Variants in SLC31A1 observed in about 807,000 individuals in gnomAD.
SLC31A1 encodes the protein solute carrier family 31 member 1.
SLC31A1 carries 5 observed loss-of-function variants against 17.2 expected under a neutral mutation model. The observed-to-expected ratio is 0.29, with a 90% confidence interval of 0.15 to 0.61. The LOEUF (loss-of-function observed/expected upper bound fraction) is 0.61. Ranked by LOEUF, SLC31A1 falls within the 20% of genes least tolerant of loss-of-function variation. The pLI, the probability that SLC31A1 is intolerant of heterozygous loss-of-function variation, is 0.86. For synonymous variants in SLC31A1, 76 were observed against 78.8 expected, an observed-to-expected ratio of 0.96 and a Z score of 0.19; for missense variants, 161 against 241.4, an observed-to-expected ratio of 0.67 and a Z score of 2.21.
In SLC31A1 at chr9:113,260,322, T is replaced by C; in HGVS notation, c.422T>C (p.Ile141Thr). The C allele has an allele frequency of 2.5e-6, 4 of 1,614,168 alleles. No individual in the cohort carries two copies. The highest frequency in any genetic ancestry group is 3.4e-6 in the Non-Finnish European group (4 of 1,180,042). Residue 141 changes from isoleucine (I) to threonine (T), a missense_variant, in exon 5 of 5, where the codon ATC becomes ACC. By Grantham distance (89) the Ile-to-Thr change is moderately conservative. Coordinates refer to ENST00000374212, the MANE Select transcript of SLC31A1 (RefSeq NM_001859.4). Reference protein sequence around the residue: ...PHLLQTVLHIIQVVISYFLML... With the variant: ...PHLLQTVLHITQVVISYFLML... ...CTCCTGCAAACAGTGCTGCACATCATCCAGGTGGTCATAAGCTACTTCCTC... is the reference window on the plus strand; with the variant it reads ...CTCCTGCAAACAGTGCTGCACATCACCCAGGTGGTCATAAGCTACTTCCTC...
At chr9:113,228,387 A>G (rs1831365556) in intron 1 of SLC31A1, among the ~76,000 whole-genome samples, 1 of 152,244 alleles carries the variant, frequency 6.6e-6, no homozygotes, top group Non-Finnish European at 1.5e-5. Flanking sequence ...ACAGAAATGG[A>G]GTAAAGTAGC....
intron 1 of SLC31A1, among the ~76,000 whole-genome samples, chr9:113,222,893 G>A (rs1207328822): frequency 6.6e-6 from 1 of 152,140 alleles, no homozygotes; most frequent in African/African-American, 2.4e-5. Context: ...CGGTCACTGT[G>A]ATTGCAGCAC....
At chr9:113,243,735 T>C (rs1465522394) in intron 1 of SLC31A1, among the ~76,000 whole-genome samples, 1 of 152,110 alleles carries the variant, frequency 6.6e-6, no homozygotes, top group African/African-American at 2.4e-5. Flanking sequence ...AAATCACAGG[T>C]TTTTTGTTTT....
At position 113,253,698 on chromosome 9, in the gene SLC31A1, C is replaced by T. The variant is rs563227560; in HGVS notation, c.-35-2416C>T. On this transcript the variant is annotated intron_variant, in intron 1 of 4. Transcript: ENST00000374212. The stretch of plus-strand genomic sequence containing the variant: ...CCTCCCGAGTAGCTGGGATTACAGG[C>T]GCGTGCCACCAAGCCCAGCTAATTT... Among the ~76,000 whole-genome samples the T allele has an allele frequency of 4.8e-4, 72 of 151,036 alleles. 2 individuals are homozygous for T. The South Asian group carries it at 0.011, about 23-fold the overall frequency.
At chr9:113,239,981 ATTTC>A (rs1245168196) in intron 1 of SLC31A1, among the ~76,000 whole-genome samples, 1 of 152,208 alleles carries the variant, frequency 6.6e-6, no homozygotes, top group East Asian at 1.9e-4. Flanking sequence ...TTGATCCCTT[ATTTC>A]TTCTCTCGAC....
intron 1 of SLC31A1, among the ~76,000 whole-genome samples, chr9:113,225,042 T>A (rs1417043173): frequency 6.6e-6 from 1 of 152,258 alleles, no homozygotes; most frequent in East Asian, 1.9e-4. Context: ...TCTTCTCATT[T>A]ATACTTCATT....
At chr9:113,256,381 T>G (rs893518143) in intron 2 of SLC31A1, 104 bp downstream of exon 2, 1 of 1,353,372 alleles carries the variant, frequency 7.4e-7, no homozygotes. Flanking sequence ...AAGGTCAGTT[T>G]ACCAGTGAGG....
chr9:113,242,923 T>C (rs1226806570), intron 1 of SLC31A1, among the ~76,000 whole-genome samples: 1 of 152,216 alleles, frequency 6.6e-6, no homozygotes. Context: ...GTTTACAGTC[T>C]CTCTCATATT....
chr9:113,224,963 A>C (rs1831324908), intron 1 of SLC31A1, among the ~76,000 whole-genome samples: 1 of 152,256 alleles, frequency 6.6e-6, no homozygotes, highest in Non-Finnish European at 1.5e-5. Flanking sequence ...GAGTTAATTC[A>C]TGTAAAGCAT....
chr9:113,227,568 G>A (rs781681134), intron 1 of SLC31A1: 1 of 152,012 alleles, frequency 6.6e-6, no homozygotes, highest in Non-Finnish European at 1.5e-5. Context: ...TTGCATTCTT[G>A]TACTGCATTT....
rs55654647 is a variant in SLC31A1, at chr9:113,260,546, T to C, written c.*73T>C. Reference sequence around the variant, plus strand: ...GAAGACTTGAAGACGTGATTCCTGCTCCAATCATCCCTTCTTGCTCCTCTT... The same window carrying C: ...GAAGACTTGAAGACGTGATTCCTGCCCCAATCATCCCTTCTTGCTCCTCTT... On this transcript the variant is annotated 3_prime_UTR_variant, in exon 5 of 5. Coordinates refer to ENST00000374212, the MANE Select transcript of SLC31A1 (RefSeq NM_001859.4). The C allele has an allele frequency of 1.7e-6, 2 of 1,172,406 alleles. No homozygotes were observed. Among genetic ancestry groups the C allele is most frequent in the Non-Finnish European group, 1.3e-6 (1 of 794,580 alleles). 72.6% of individuals were successfully genotyped at this position (1,172,406 alleles called of 1,614,324 possible).
chr9:113,253,976 T>TTTTTA (rs1295616626), intron 1 of SLC31A1, among the ~76,000 whole-genome samples: 1 of 149,206 alleles, frequency 6.7e-6, no homozygotes, highest in African/African-American at 2.5e-5. Flanking sequence ...TTTTTTTTTT[T>TTTTTA]TGAGATAGTC....
At chr9:113,256,678 G>A (rs1486103046) in intron 2 of SLC31A1, 3 of 277,922 alleles carry the variant, frequency 1.1e-5, no homozygotes, top group Admixed American at 5.0e-5. Context: ...TAGCTAACAC[G>A]GTGAAACCCC....
Position 113,221,682 on chromosome 9 carries a change from A to T in SLC31A1, c.-36+4A>T. The T allele has an allele frequency of 3.4e-6, 1 of 298,386 alleles. No individual in the cohort carries two copies. The highest frequency in any genetic ancestry group is 2.9e-5 in the South Asian group (1 of 34,296). The allele number at this position is 298,386 out of a possible 1,614,324, so 18.5% of individuals were successfully genotyped here. On this transcript the variant is annotated splice_donor_region_variant and intron_variant, in intron 1 of 4. Coordinates refer to ENST00000374212, the MANE Select transcript of SLC31A1 (RefSeq NM_001859.4). ...TGGCTGGACTTGACCTGGAAAGGTAAGGCTTCTCTCGGCCCCTCTTTCGCA... is the reference window on the plus strand; with the variant it reads ...TGGCTGGACTTGACCTGGAAAGGTATGGCTTCTCTCGGCCCCTCTTTCGCA...
chr9:113,245,383 TG>T (rs1267382116), intron 1 of SLC31A1, among the ~76,000 whole-genome samples: 2 of 152,040 alleles, frequency 1.3e-5, no homozygotes, highest in Non-Finnish European at 2.9e-5. Flanking sequence ...TAATGTAAAA[TG>T]GGATTGCATT....
intron 2 of SLC31A1, among the ~76,000 whole-genome samples, chr9:113,256,898 G>C (rs1200138636): frequency 6.6e-6 from 1 of 151,792 alleles, no homozygotes; most frequent in Non-Finnish European, 1.5e-5. Context: ...TGATGGTGGG[G>C]GCCCAGGAGA....
At chr9:113,248,813 G>A (rs183423470) in intron 1 of SLC31A1, among the ~76,000 whole-genome samples, 62 of 152,180 alleles carry the variant, frequency 4.1e-4, no homozygotes, top group Admixed American at 3.3e-3. Flanking sequence ...CTTTGTAGGA[G>A]AGAAGCTAAC....
intron 1 of SLC31A1, among the ~76,000 whole-genome samples, chr9:113,253,826 C>T (rs1292178339): frequency 6.6e-6 from 1 of 152,008 alleles, no homozygotes; most frequent in Non-Finnish European, 1.5e-5. Flanking sequence ...CTACCTGATG[C>T]TTTGCCTTAT....
chr9:113,231,554 A>G (rs1831403216), intron 1 of SLC31A1, among the ~76,000 whole-genome samples: 1 of 137,782 alleles, frequency 7.3e-6, no homozygotes, highest in Non-Finnish European at 1.6e-5. Flanking sequence ...ACAGAATATG[A>G]TCTTGTCTCA....
Sources: gnomAD v4.1 joint callset for allele counts (sites outside exome capture counted in the v4.1 genomes callset) on GRCh38, gnomAD v4.1.1 for gene constraint, MANE v1.5 for transcripts, NCBI Gene and HGNC (gene_info 2026-07-23, HGNC 2026-07-21) for gene names.